Variants in PHYKPL observed in about 807,000 individuals in gnomAD.
PHYKPL encodes 5-phosphohydroxy-L-lysine phospho-lyase, also known as 5-phosphonooxy-L-lysine phospho-lyase.
In PHYKPL, 42 loss-of-function variants were observed where a neutral mutation model predicts 51.3. That is an observed-to-expected ratio of 0.82 (90% CI 0.64 to 1.06). PHYKPL has a LOEUF of 1.06. Ranked by LOEUF, PHYKPL falls within the 50% of genes least tolerant of loss-of-function variation. The pLI, the probability that PHYKPL is intolerant of heterozygous loss-of-function variation, is 0.00. For missense variants in PHYKPL, 655 were observed against 586.6 expected (o/e 1.12, Z -1.20); for synonymous variants, 264 against 236.0 (o/e 1.12, Z -1.09).
chr5:178,213,431 G>C (rs1759066473), intron 10 of PHYKPL, among the ~76,000 whole-genome samples: 2 of 152,206 alleles, frequency 1.3e-5, no homozygotes, highest in African/African-American at 4.8e-5. Flanking sequence ...CTGGTTTTCT[G>C]TGTGGTTTAC....
intron 3 of PHYKPL, 70 bp downstream of exon 3, chr5:178,229,870 G>A: frequency 3.2e-6 from 5 of 1,573,166 alleles, no homozygotes; most frequent in Non-Finnish European, 4.3e-6. Flanking sequence ...ACACTACACT[G>A]GGCCCATGTG....
chr5:178,232,471 G>A (rs1436517854), intron 1 of PHYKPL, 21 bp downstream of exon 1: 3 of 1,219,520 alleles, frequency 2.5e-6, no homozygotes, highest in South Asian at 1.9e-5. Flanking sequence ...GCCCCCCGCC[G>A]CCCGCCCCCC....
At chr5:178,232,275 A>T in intron 1 of PHYKPL, 7 of 1,238,132 alleles carry the variant, frequency 5.7e-6, no homozygotes, top group Middle Eastern at 3.2e-4. Context: ...GCTGTCGGGG[A>T]GGCGGCCCCG....
chr5:178,228,472 G>A, intron 3 of PHYKPL: 1 of 696,072 alleles, frequency 1.4e-6, no homozygotes. Flanking sequence ...GCATAAGAAT[G>A]CCCCTCCTCC....
At chr5:178,224,328 T>G (rs1761831531) in intron 6 of PHYKPL, 120 bp downstream of exon 6, 1 of 1,115,476 alleles carries the variant, frequency 9.0e-7, no homozygotes, top group Non-Finnish European at 1.3e-6. Flanking sequence ...TATCCCAGAT[T>G]CCTGGAGGGC....
chr5:178,228,333 T>C (rs1222269208), intron 3 of PHYKPL: 5 of 574,074 alleles, frequency 8.7e-6, no homozygotes, highest in Admixed American at 3.1e-5. Flanking sequence ...GGAAGCAAGA[T>C]GACAGACCAC....
chr5:178,223,471 A>G (rs1581313569), intron 6 of PHYKPL: 1 of 456,300 alleles, frequency 2.2e-6, no homozygotes, highest in East Asian at 7.0e-5. Context: ...AAAACCCCTC[A>G]GTGACCCCTT....
At chr5:178,228,484 C>T (rs1381113218) in intron 3 of PHYKPL, 2 of 699,920 alleles carry the variant, frequency 2.9e-6, no homozygotes, top group African/African-American at 3.5e-5. Context: ...CCCTCCTCCA[C>T]CACCACTGAG....
chr5:178,210,746 A>G (rs1758030226), intron 12 of PHYKPL: 1 of 751,270 alleles, frequency 1.3e-6, no homozygotes, highest in African/African-American at 1.7e-5. Flanking sequence ...CATCTTATTT[A>G]AAATTTCCCC....
chr5:178,214,116 A>G (rs918191888), intron 10 of PHYKPL, among the ~76,000 whole-genome samples: 6 of 152,208 alleles, frequency 3.9e-5, no homozygotes, highest in African/African-American at 1.2e-4. Context: ...ATTTACATCA[A>G]TACCACGCGT....
At chr5:178,227,420 G>C (rs1453122651) in intron 3 of PHYKPL, among the ~76,000 whole-genome samples, 1 of 152,224 alleles carries the variant, frequency 6.6e-6, no homozygotes, top group Non-Finnish European at 1.5e-5. Flanking sequence ...ATGAGAGCCA[G>C]AGCAGACCAA....
chr5:178,209,287 G>C (rs1404654188), intron 12 of PHYKPL: 4 of 1,508,974 alleles, frequency 2.7e-6, no homozygotes, highest in African/African-American at 2.7e-5. Context: ...TCACTGCCCT[G>C]AGTTTGTCCT....
chr5:178,228,425 TG>T (rs1482892942), intron 3 of PHYKPL: 3 of 649,280 alleles, frequency 4.6e-6, no homozygotes, highest in East Asian at 2.7e-5. Flanking sequence ...TTTGGCAACA[TG>T]GAAGTCCCTG....
intron 12 of PHYKPL, chr5:178,210,421 G>T (rs1757868747): frequency 6.5e-7 from 1 of 1,531,322 alleles, no homozygotes; most frequent in African/African-American, 1.4e-5. Flanking sequence ...TTAGACTTCG[G>T]GGTCTTAATA....
chr5:178,208,167 T>C (rs904947268), downstream of PHYKPL, among the ~76,000 whole-genome samples: 1 of 152,070 alleles, frequency 6.6e-6, no homozygotes, highest in Non-Finnish European at 1.5e-5. Flanking sequence ...AAGTTGGCAG[T>C]TGGGAGTTGA....
At chr5:178,229,305 G>A (rs62388739) in intron 3 of PHYKPL, among the ~76,000 whole-genome samples, 11,763 of 151,928 alleles carry the variant, frequency 0.077, 497 homozygotes, top group Admixed American at 0.12. Flanking sequence ...ACGGGGTTTC[G>A]CCCTGTTGGC....
chr5:178,228,691 C>A (rs6881230), intron 3 of PHYKPL: 8,543 of 687,796 alleles, frequency 0.012, 314 homozygotes, highest in African/African-American at 0.093. Flanking sequence ...TAATTCAACG[C>A]CACCACCTAC....
chr5:178,217,933 C>T lies in PHYKPL; in HGVS notation c.928-2503G>A, dbSNP rs1176349051. On this transcript the variant is annotated intron_variant, in intron 8 of 12. Transcript: ENST00000308158. Reference sequence around the variant, plus strand: ...AGAAAAAGGAATAAAGAAAAACAGTCATGTCTGGGCGCGGTGGCTCACGCC... The same window carrying T: ...AGAAAAAGGAATAAAGAAAAACAGTTATGTCTGGGCGCGGTGGCTCACGCC... 2.0e-5 allele frequency among the ~76,000 whole-genome samples: 3 copies of T among 148,560 alleles called. No individual in the cohort carries two copies. The East Asian group carries it at 6.1e-4, about 30-fold the overall frequency.
chr5:178,212,601 T>G (rs746890339), intron 11 of PHYKPL, among the ~76,000 whole-genome samples: 23 of 152,212 alleles, frequency 1.5e-4, no homozygotes, highest in Non-Finnish European at 3.1e-4. Context: ...CTGTCTCATG[T>G]ACAGAATGAA....
Sources: allele counts gnomAD v4.1 joint callset (sites outside exome capture counted in the v4.1 genomes callset), GRCh38; gene constraint gnomAD v4.1.1; transcripts MANE v1.5; gene names NCBI Gene and HGNC (gene_info 2026-07-23, HGNC 2026-07-21).